GCNT2: variants seen among roughly 807,000 people sequenced by gnomAD.
The protein encoded by GCNT2 is N-acetyllactosaminide beta-1,6-N-acetylglucosaminyl-transferase.
A neutral mutation model predicts 34.2 loss-of-function variants in GCNT2; 34 were observed. The observed-to-expected ratio is 1.00, with a 90% CI of 0.76 to 1.32. The LOEUF is 1.32. Ranked by LOEUF, GCNT2 falls within the 40% of genes most tolerant of loss-of-function variation. The pLI is 0.00. For synonymous variants in GCNT2, 212 were observed against 188.0 expected (o/e 1.13, Z -1.04); for missense variants, 584 against 489.4 (o/e 1.19, Z -1.82).
chr6:10,569,027 G>C (rs1017795940), intron 3 of GCNT2, among the ~76,000 whole-genome samples: 1 of 151,742 alleles, frequency 6.6e-6, no homozygotes, highest in Non-Finnish European at 1.5e-5. Context: ...TGTGAATATC[G>C]TATTACCGCG....
intron 3 of GCNT2, among the ~76,000 whole-genome samples, chr6:10,562,656 G>GAAAAAAAAAA (rs57868433): frequency 1.2e-3 from 94 of 77,070 alleles, no homozygotes; most frequent in Non-Finnish European, 1.8e-3. Context: ...GAACTTCTCT[G>GAAAAAAAAAA]AAAAAAAAAA....
rs776463347 is a variant in GCNT2 at position 10,586,944 on chromosome 6, G to C, written c.926-34407G>C. The stretch of plus-strand genomic sequence containing the variant: ...GTACTAATTTCCATTCTGATTGATA[G>C]ATTGAGTTTGCTAACATTCTGCTCG... On this transcript the variant is annotated intron_variant, in intron 3 of 4. Transcript: ENST00000495262. 16 of 1,483,262 alleles carry C rather than the reference G, an allele frequency of 1.1e-5. No homozygotes were observed. The East Asian group carries it at 3.4e-4, about 31-fold the overall frequency. 91.9% of individuals were successfully genotyped at this position (1,483,262 alleles called of 1,614,324 possible). A position where few individuals can be genotyped will look rare whatever the true frequency, so the allele number is the denominator to read the frequency against.
At chr6:10,545,773 G>A (rs1035304011) in intron 3 of GCNT2, among the ~76,000 whole-genome samples, 18 of 152,166 alleles carry the variant, frequency 1.2e-4, no homozygotes, top group African/African-American at 4.3e-4. Flanking sequence ...GTGGAGGAGG[G>A]TGTAAGACTT....
At position 10,627,759 on chromosome 6, in the gene GCNT2, T is replaced by C. The variant is rs533837714; in HGVS notation, c.*1152T>C. 2 of 152,336 alleles carry C rather than the reference T, an allele frequency of 1.3e-5. No individual in the cohort carries two copies. Among genetic ancestry groups the C allele is most frequent in the African/African-American group, 4.8e-5 (2 of 41,574 alleles). 9.4% of individuals were successfully genotyped at this position (152,336 alleles called of 1,614,324 possible). ...ACCAGAAAGCCTCCTCTGGAGAATC[T>C]TACAGAGTGATTGTAGTTTAATACA... On this transcript the variant is annotated 3_prime_UTR_variant, in exon 5 of 5. Coordinates refer to ENST00000495262, the MANE Select transcript of GCNT2 (RefSeq NM_145649.5).
rs746764231 is a variant in GCNT2 at position 10,621,363 on chromosome 6, C to G, written c.938C>G (p.Ser313Cys). 3 of 1,610,680 alleles carry G rather than the reference C, an allele frequency of 1.9e-6. No individual in the cohort carries two copies. Among genetic ancestry groups the G allele is most frequent in the Admixed American group, 3.3e-5 (2 of 59,996 alleles). ...ATCAACATTGCAGGTGTTCCTGGCT[C>G]TATGCCAAATGCATCCTGGACTGGA... ...TLNRIPGVPGSMPNASWTGNL... is the reference protein window; with the variant it reads ...TLNRIPGVPGCMPNASWTGNL... The change falls in exon 4 of 5, where the codon TCT becomes TGT. Residue 313 changes from serine (S) to cysteine (C), a missense_variant. Physicochemically the swap from Ser to Cys is moderately radical, Grantham distance 112. Transcript: ENST00000495262.
chr6:10,572,487 G>A (rs1268376445), intron 3 of GCNT2, among the ~76,000 whole-genome samples: 1 of 152,110 alleles, frequency 6.6e-6, no homozygotes, highest in Non-Finnish European at 1.5e-5. Context: ...ACTTTGGGAG[G>A]TCAAGGAGGC....
intron 3 of GCNT2, among the ~76,000 whole-genome samples, chr6:10,572,450 G>C (rs1169081405): frequency 1.3e-5 from 2 of 152,128 alleles, no homozygotes; most frequent in Non-Finnish European, 2.9e-5. Flanking sequence ...CAGGCCGGGC[G>C]CTGTGGCTCA....
At chr6:10,558,208 G>A (rs918099459) in intron 3 of GCNT2, among the ~76,000 whole-genome samples, 3 of 152,110 alleles carry the variant, frequency 2.0e-5, no homozygotes, top group Non-Finnish European at 1.5e-5. Flanking sequence ...ATGAAGCCAG[G>A]GTTATTTTCT....
At chr6:10,524,251 C>A (rs1196012740) in intron 1 of GCNT2, among the ~76,000 whole-genome samples, 4 of 131,598 alleles carry the variant, frequency 3.0e-5, no homozygotes, top group African/African-American at 5.5e-5. Flanking sequence ...TAATCCAGGG[C>A]TTTTTTTTTT....
chr6:10,560,140 G>A (rs1459524146), intron 3 of GCNT2, among the ~76,000 whole-genome samples: 1 of 152,126 alleles, frequency 6.6e-6, no homozygotes, highest in African/African-American at 2.4e-5. Flanking sequence ...CCAGGCTGGA[G>A]TGCAGTGGTG....
chr6:10,626,963 A>G lies in GCNT2; in HGVS notation c.*356A>G. On this transcript the variant is annotated 3_prime_UTR_variant, in exon 5 of 5. Transcript: ENST00000495262. Reference sequence around the variant, plus strand: ...AGTAAAAAAGAGAATTGTAGATAATACTGTCTAGGAAAATAAGAATTAGGT... The same window carrying G: ...AGTAAAAAAGAGAATTGTAGATAATGCTGTCTAGGAAAATAAGAATTAGGT... 3.8e-6 allele frequency: 1 copy of G among 259,896 alleles called. No individual in the cohort carries two copies. Among genetic ancestry groups the G allele is most frequent in the South Asian group, 5.2e-5 (1 of 19,128 alleles). 16.1% of individuals were successfully genotyped at this position (259,896 alleles called of 1,614,324 possible).
At chr6:10,582,233 TAAATATATA>T (rs1255579303) in intron 3 of GCNT2, among the ~76,000 whole-genome samples, 1 of 124,960 alleles carries the variant, frequency 8.0e-6, no homozygotes, top group Non-Finnish European at 1.6e-5. Context: ...TATATATATT[TAAATATATA>T]AAATATATAT....
chr6:10,557,360 T>A, intron 3 of GCNT2: 2 of 1,591,942 alleles, frequency 1.3e-6, no homozygotes, highest in Non-Finnish European at 1.7e-6. Context: ...CAATTCCATA[T>A]TTCATGCAAA....
At chr6:10,622,944 G>A (rs1402838111) in intron 4 of GCNT2, among the ~76,000 whole-genome samples, 7 of 151,662 alleles carry the variant, frequency 4.6e-5, no homozygotes, top group Non-Finnish European at 8.8e-5. Flanking sequence ...TAGTAGAGAC[G>A]GGGCTTCACC....
At chr6:10,605,372 C>CTT in intron 3 of GCNT2, among the ~76,000 whole-genome samples, 1 of 142,810 alleles carries the variant, frequency 7.0e-6, no homozygotes, top group African/African-American at 2.6e-5. Context: ...CCACGCCTGG[C>CTT]TTTTTTTTTT....
intron 3 of GCNT2, among the ~76,000 whole-genome samples, chr6:10,583,009 G>T (rs543669249): frequency 3.9e-5 from 6 of 152,234 alleles, no homozygotes; most frequent in African/African-American, 1.4e-4. Context: ...GAGCAGCTGG[G>T]ATTTAGCCAA....
chr6:10,556,452 T>C (rs760386287), intron 3 of GCNT2: 1 of 1,614,164 alleles, frequency 6.2e-7, no homozygotes, highest in Admixed American at 1.7e-5. Context: ...TACCTCTTCA[T>C]AATTTCTGTC....
chr6:10,589,164 GGTGT>G (rs377736417), intron 3 of GCNT2, among the ~76,000 whole-genome samples: 7 of 110,042 alleles, frequency 6.4e-5, no homozygotes, highest in African/African-American at 1.8e-4. Flanking sequence ...GTGTGCGTGT[GGTGT>G]GTGTGTGGTG....
At chr6:10,528,534 T>C (rs1761309706) in intron 2 of GCNT2, 97 bp from the exon 3 acceptor site, 1 of 326,984 alleles carries the variant, frequency 3.1e-6, no homozygotes, top group African/African-American at 2.1e-5. Context: ...AGCCGATGAC[T>C]TGCAGAATGG....
Sources: gnomAD v4.1 joint callset for allele counts (sites outside exome capture counted in the v4.1 genomes callset) on GRCh38, gnomAD v4.1.1 for gene constraint, MANE v1.5 for transcripts, NCBI Gene and HGNC (gene_info 2026-07-23, HGNC 2026-07-21) for gene names.